The following USP4 variants were observed in gnomAD, a reference collection of about 807,000 sequenced individuals.
USP4 encodes the protein ubiquitin specific peptidase 4, also known as ubiquitin carboxyl-terminal hydrolase 4.
In USP4, 72 loss-of-function variants were observed where a neutral mutation model predicts 118.2. That is an observed-to-expected ratio of 0.61 (90% confidence interval 0.50 to 0.74). USP4 has a LOEUF of 0.74. Ranked by LOEUF, USP4 falls within the 30% of genes least tolerant of loss-of-function variation. The probability of loss-of-function intolerance (pLI) is 0.00; values close to 1 mark genes in which losing one functional copy is unlikely to be tolerated. For missense variants in USP4, 1,037 were observed against 1,185.7 expected (o/e 0.87, Z 1.84); for synonymous variants, 415 against 440.4 (o/e 0.94, Z 0.72).
chr3:49,311,456 G>C, intron 7 of USP4, 58 bp downstream of exon 7: 1 of 1,589,896 alleles, frequency 6.3e-7, no homozygotes, highest in Non-Finnish European at 8.6e-7. Flanking sequence ...GAGCTCTCAA[G>C]ATACAGCCTG....
At position 49,295,646 on chromosome 3, in the gene USP4, T is replaced by C. The variant is rs75394422; in HGVS notation, c.1692-1048A>G. Among the ~76,000 whole-genome samples the C allele has an allele frequency of 8.3e-3, 1,262 of 151,428 alleles. 25 individuals carry two copies. The highest frequency in any genetic ancestry group is 7.2e-3 in the African/African-American group (298 of 41,258). On this transcript the variant is annotated intron_variant, in intron 13 of 21. Transcript: ENST00000265560. ...CGACTGTAGTCTTTCCCTCTTCCTATAGGGGGAGACACAAACTTACTGATT... is the reference window on the plus strand; with the variant it reads ...CGACTGTAGTCTTTCCCTCTTCCTACAGGGGGAGACACAAACTTACTGATT...
intron 12 of USP4, 28 bp downstream of exon 12, chr3:49,298,524 C>A (rs746696495): frequency 6.2e-7 from 1 of 1,610,202 alleles, no homozygotes; most frequent in Non-Finnish European, 8.5e-7. Flanking sequence ...CCCAAATAGA[C>A]CGAGTGCCAC....
chr3:49,337,875 G>A (rs2047686097), intron 1 of USP4, among the ~76,000 whole-genome samples: 1 of 151,426 alleles, frequency 6.6e-6, no homozygotes. Flanking sequence ...GTGAAACCCT[G>A]TCTCTACTAA....
At chr3:49,279,831 C>T (rs751435341) in intron 20 of USP4, among the ~76,000 whole-genome samples, 29 of 152,182 alleles carry the variant, frequency 1.9e-4, no homozygotes, top group Non-Finnish European at 2.5e-4. Flanking sequence ...ATAGCAGCAA[C>T]GGTGGCTTTC....
Position 49,333,144 on chromosome 3 carries a change from C to CT in USP4, c.229+2324dup, listed in dbSNP as rs376262745. Among the ~76,000 whole-genome samples the CT allele has an allele frequency of 2.2e-3, 308 of 138,774 alleles. 2 individuals carry two copies. The highest frequency in any genetic ancestry group is 0.013 in the South Asian group (56 of 4,352). 91.0% of individuals were successfully genotyped at this position (138,774 alleles called of 152,430 possible). A position where few individuals can be genotyped will look rare whatever the true frequency, so the allele number is the denominator to read the frequency against. Reference sequence around the variant, plus strand: ...AATTCATGTGTTCACTAGAGTAGCACTTTTTTTTTTTTTTTTTGAGATGGA... The same window carrying CT: ...AATTCATGTGTTCACTAGAGTAGCACTTTTTTTTTTTTTTTTTTGAGATGGA... On this transcript the variant is annotated intron_variant, in intron 2 of 21. Transcript: ENST00000265560.
intron 3 of USP4, 52 bp downstream of exon 3, chr3:49,327,634 A>G (rs771545226): frequency 7.5e-6 from 12 of 1,606,004 alleles, no homozygotes; most frequent in South Asian, 1.1e-5. Context: ...AGTGTCCAAC[A>G]GAAAGCACCT....
In USP4 at chr3:49,302,384, C is replaced by G; in HGVS notation, c.1287G>C (p.Ala429=). ...CATTCAGACATCATTAATGGCATAC[C>G]GCATCTGGCCGCCCATTGGCATCCT... ...ELKDANGRPD[A]VVAKEAWENH... Residue 429 remains alanine (A), a splice_region_variant and synonymous_variant, in exon 10 of 22, where the codon GCG becomes GCC. Coordinates refer to ENST00000265560, the MANE Select transcript of USP4 (RefSeq NM_003363.4). The G allele has an allele frequency of 6.2e-7, 1 of 1,613,064 alleles. No homozygotes were observed. The highest frequency in any genetic ancestry group is 8.5e-7 in the Non-Finnish European group (1 of 1,179,710).
intron 8 of USP4, among the ~76,000 whole-genome samples, 157 bp from the exon 9 acceptor site, chr3:49,306,045 G>A (rs73830705): frequency 0.024 from 3,687 of 152,090 alleles, 162 homozygotes; most frequent in African/African-American, 0.085. Flanking sequence ...ACAGCCTCAA[G>A]GAGGCCAAGC....
chr3:49,281,628 C>T (rs767334811), intron 19 of USP4, among the ~76,000 whole-genome samples: 20 of 147,980 alleles, frequency 1.4e-4, no homozygotes, highest in Non-Finnish European at 2.2e-4. Flanking sequence ...GTAGGAGAAT[C>T]GATTGATCCT....
intron 6 of USP4, among the ~76,000 whole-genome samples, chr3:49,323,232 G>A (rs1228289865): frequency 2.7e-5 from 4 of 145,594 alleles, no homozygotes; most frequent in Non-Finnish European, 1.5e-5. Context: ...CTCCCAAAGT[G>A]CTGGGATTAC....
chr3:49,308,135 G>C (rs1273127782), intron 8 of USP4, among the ~76,000 whole-genome samples: 1 of 152,008 alleles, frequency 6.6e-6, no homozygotes, highest in Non-Finnish European at 1.5e-5. Flanking sequence ...GTGGGCCTTG[G>C]GTCATACTGG....
intron 8 of USP4, among the ~76,000 whole-genome samples, chr3:49,309,739 G>A (rs945138175): frequency 1.4e-5 from 2 of 143,036 alleles, no homozygotes; most frequent in Non-Finnish European, 3.0e-5. Flanking sequence ...CGATTCTCCT[G>A]CCTCAGCCTC....
Position 49,305,735 on chromosome 3 carries a change from C to A in USP4, c.1108G>T (p.Val370Leu). ...CCTACTTTGAACATGCGAGGTGCCA[C>A]ATGGGCGTCCCTTCCAGACCACATC... ...KQMWSGRDAH[V>L]APRMFKTQVG... The change falls in exon 9 of 22, where the codon GTG becomes TTG. Residue 370 changes from valine to leucine, a missense_variant. Val to Leu is a conservative substitution (Grantham distance 32). Transcript: ENST00000265560. 6.2e-7 allele frequency: 1 copy of A among 1,610,792 alleles called. No individual in the cohort carries two copies. Among genetic ancestry groups the A allele is most frequent in the Non-Finnish European group, 8.5e-7 (1 of 1,178,556 alleles).
chr3:49,278,437 A>C lies in USP4; in HGVS notation c.2748T>G (p.Tyr916Ter). Residue 916 changes from tyrosine to a stop codon, truncating the protein, a stop_gained, in exon 22 of 22, where the codon TAT becomes TAG. Coordinates refer to ENST00000265560, the MANE Select transcript of USP4 (RefSeq NM_003363.4). LOFTEE classifies it high-confidence loss of function. ...SEDQIVTKAA[Y>*]VLFYQRRDDE... ...CATCTCGACGTTGGTAAAATAGCACATAAGCTGCTTTAGTCTGAAATACAA... is the reference window on the plus strand; with the variant it reads ...CATCTCGACGTTGGTAAAATAGCACCTAAGCTGCTTTAGTCTGAAATACAA... The C allele has an allele frequency of 6.2e-7, 1 of 1,614,052 alleles. No homozygotes were observed. The highest frequency in any genetic ancestry group is 1.1e-5 in the South Asian group (1 of 91,060).
rs756314275 is a variant in USP4 at position 49,297,887 on chromosome 3, A to C, written c.1674T>G (p.Pro558=). ...QMDEGLNHIM[P]RDDIFVYEVC... ...GTACTCACACGAAAATGTCATCCCG[A>C]GGCATGATGTGGTTTAAACCTTCAT... Residue 558 remains proline, a synonymous_variant, in exon 13 of 22, where the codon CCT becomes CCG. Transcript: ENST00000265560. 1 of 1,614,026 alleles carries C rather than the reference A, an allele frequency of 6.2e-7. No individual in the cohort carries two copies. The highest frequency in any genetic ancestry group is 1.7e-5 in the Admixed American group (1 of 60,006).
chr3:49,318,525 G>A lies in USP4; in HGVS notation c.695+6177C>T, dbSNP rs535978297. On this transcript the variant is annotated intron_variant, in intron 6 of 21. Transcript: ENST00000265560. Reference sequence around the variant, plus strand: ...CAAACCCTTGAGAAACTAATATTAAGTTAGCTGGAGCAATTCACATGGAAG... The same window carrying A: ...CAAACCCTTGAGAAACTAATATTAAATTAGCTGGAGCAATTCACATGGAAG... 2.4e-5 allele frequency: 24 copies of A among 985,426 alleles called. No individual in the cohort carries two copies. The African/African-American group carries it at 3.3e-4, about 14-fold the overall frequency. 61.0% of individuals were successfully genotyped at this position (985,426 alleles called of 1,614,324 possible). A position where few individuals can be genotyped will look rare whatever the true frequency, so the allele number is the denominator to read the frequency against.
chr3:49,290,026 G>A (rs535175139), intron 15 of USP4, among the ~76,000 whole-genome samples: 2 of 152,320 alleles, frequency 1.3e-5, no homozygotes, highest in South Asian at 2.1e-4. Flanking sequence ...GGTGGATGAG[G>A]TGGGAGGATT....
intron 3 of USP4, among the ~76,000 whole-genome samples, chr3:49,326,303 C>A (rs1262172795): frequency 2.6e-5 from 4 of 151,814 alleles, no homozygotes; most frequent in Non-Finnish European, 5.9e-5. Flanking sequence ...GGCGACAGAG[C>A]GAGACTCTGT....
At chr3:49,303,877 C>T (rs543253246) in intron 9 of USP4, among the ~76,000 whole-genome samples, 11 of 152,122 alleles carry the variant, frequency 7.2e-5, no homozygotes, top group Non-Finnish European at 1.6e-4. Flanking sequence ...CTTGGCCTCC[C>T]GAGTTGCTGG....
Sources: allele counts gnomAD v4.1 joint callset (sites outside exome capture counted in the v4.1 genomes callset), GRCh38; gene constraint gnomAD v4.1.1; transcripts MANE v1.5; gene names NCBI Gene and HGNC (gene_info 2026-07-23, HGNC 2026-07-21).